The following RRBP1 variants were observed in gnomAD, a reference collection of about 807,000 sequenced individuals.
RRBP1 encodes ribosome binding protein 1.
A neutral mutation model predicts 165.2 loss-of-function variants in RRBP1; 94 were observed. The observed-to-expected ratio is 0.57, with a 90% CI of 0.48 to 0.68. The LOEUF (loss-of-function observed/expected upper bound fraction) is 0.68, where lower values mean the gene tolerates loss of function less well. RRBP1 is among the 30% of genes least tolerant of loss of function. The pLI is 0.00. For synonymous variants in RRBP1, 680 were observed against 714.5 expected (o/e 0.95, Z 0.77); for missense variants, 1,676 against 1,763.0 (o/e 0.95, Z 0.88).
chr20:17,615,623 C>T (rs1474904947), intron 22 of RRBP1, 94 bp from the exon 23 acceptor site: 3 of 985,328 alleles, frequency 3.0e-6, no homozygotes, highest in Admixed American at 3.1e-5. Flanking sequence ...CCAGGGGGCC[C>T]CCCCAGCCTG....
At chr20:17,615,598 G>A (rs895307285) in intron 22 of RRBP1, 69 bp from the exon 23 acceptor site, 27 of 1,330,162 alleles carry the variant, frequency 2.0e-5, no homozygotes, top group Admixed American at 5.4e-5. Flanking sequence ...AGACCCTACC[G>A]AGCACGCCTG....
intron 2 of RRBP1, among the ~76,000 whole-genome samples, chr20:17,673,190 G>T (rs907431035): frequency 6.6e-6 from 1 of 152,176 alleles, no homozygotes; most frequent in Non-Finnish European, 1.5e-5. Context: ...CCTGGAGGAG[G>T]AGCATCTTTA....
At chr20:17,662,361 A>G (rs889909610) in intron 2 of RRBP1, among the ~76,000 whole-genome samples, 4 of 152,054 alleles carry the variant, frequency 2.6e-5, no homozygotes, top group Non-Finnish European at 5.9e-5. Context: ...GGTTTAAAAC[A>G]CTCATGACGA....
chr20:17,621,512 C>G lies in RRBP1; in HGVS notation c.3360G>C (p.Thr1120=). The change falls in exon 16 of 25, where the codon ACG becomes ACC. Residue 1120 remains threonine, a synonymous_variant. Transcript: ENST00000377813. ...LASKLREAEE[T]QSTLQAECDQ... ...CACACTCGGCCTGCAGTGTGCTCTG[C>G]GTCTCCTCGGCCTCCCTCAACTTGG... 6.2e-7 allele frequency: 1 copy of G among 1,612,858 alleles called. No homozygotes were observed. Among genetic ancestry groups the G allele is most frequent in the Non-Finnish European group, 8.5e-7 (1 of 1,179,958 alleles).
At chr20:17,640,599 G>A (rs138608309) in intron 5 of RRBP1, among the ~76,000 whole-genome samples, 17 of 152,266 alleles carry the variant, frequency 1.1e-4, no homozygotes, top group Non-Finnish European at 2.1e-4. Context: ...GCCACGCACC[G>A]TTAACCTTCT....
chr20:17,670,759 A>T (rs942139830), intron 2 of RRBP1, among the ~76,000 whole-genome samples: 8 of 152,222 alleles, frequency 5.3e-5, no homozygotes, highest in African/African-American at 1.7e-4. Flanking sequence ...GTCTTAAAAC[A>T]ATCTTTTCAC....
At chr20:17,637,489 C>A (rs947553883) in intron 5 of RRBP1, among the ~76,000 whole-genome samples, 1 of 152,156 alleles carries the variant, frequency 6.6e-6, no homozygotes, top group South Asian at 2.1e-4. Flanking sequence ...CCTGGACAGA[C>A]CAGCACTGAT....
At chr20:17,634,681 G>A (rs1009627475) in intron 7 of RRBP1, among the ~76,000 whole-genome samples, 1 of 152,244 alleles carries the variant, frequency 6.6e-6, no homozygotes, top group Non-Finnish European at 1.5e-5. Context: ...CAGATCCTAT[G>A]TGGGGAGACG....
chr20:17,618,100 G>A lies in RRBP1; in HGVS notation c.3759+496C>T, dbSNP rs568632609. Among the ~76,000 whole-genome samples the A allele has an allele frequency of 3.0e-4, 45 of 152,366 alleles. No individual in the cohort carries two copies. The South Asian group carries it at 4.1e-3, about 14-fold the overall frequency. ...CAGCTGGTATGGGGCCGGGCGTGGA[G>A]CAGGTCTTCCCTGCATGCCTGTGGC... On this transcript the variant is annotated intron_variant, in intron 20 of 24. Coordinates refer to ENST00000377813, the MANE Select transcript of RRBP1 (RefSeq NM_001365613.2).
In RRBP1 at chr20:17,643,595, CCA is replaced by C. The variant is rs1406957566; in HGVS notation, c.1913-470_1913-469del. 6.6e-6 allele frequency among the ~76,000 whole-genome samples: 1 copy of C among 152,122 alleles called. No homozygotes were observed. Among genetic ancestry groups the C allele is most frequent in the Non-Finnish European group, 1.5e-5 (1 of 68,020 alleles). On this transcript the variant is annotated intron_variant, in intron 3 of 24. Transcript: ENST00000377813. The surrounding 1 kb of genome is among the most constrained non-coding windows in gnomAD (Gnocchi z 4.3). ...GACTGGGCAGCGAATTTACCGTCCA[CCA>C]CACACAGACACCCAGAGCCACACTC... is the stretch of plus-strand genomic sequence containing the variant.
chr20:17,615,367 CAA>C, intron 23 of RRBP1, 62 bp downstream of exon 23: 2 of 1,360,658 alleles, frequency 1.5e-6, no homozygotes, highest in Non-Finnish European at 1.0e-6. Flanking sequence ...TTTCCGAGGC[CAA>C]GAGTGGCGCC....
intron 16 of RRBP1, among the ~76,000 whole-genome samples, chr20:17,621,068 C>T (rs568256942): frequency 6.6e-5 from 10 of 152,272 alleles, no homozygotes; most frequent in East Asian, 1.9e-4. Flanking sequence ...TTGTTACTGC[C>T]GGGGTTTGCC....
chr20:17,616,612 G>C (rs1600722613), intron 21 of RRBP1, 120 bp downstream of exon 21: 1 of 661,758 alleles, frequency 1.5e-6, no homozygotes, highest in South Asian at 1.9e-5. Flanking sequence ...AAAGCAGGGT[G>C]GGGTGGGGAA....
At chr20:17,628,431 C>T (rs1600735184) in intron 9 of RRBP1, among the ~76,000 whole-genome samples, 1 of 152,212 alleles carries the variant, frequency 6.6e-6, no homozygotes, top group East Asian at 1.9e-4. Context: ...CTGGGCCCTG[C>T]CCTGTTGCCT....
rs551207216 is a variant in RRBP1, at chr20:17,672,271, G to A, written c.-22+7728C>T. ...AATTCAATCTCAAGATATGAGCTTC[G>A]TTGAATTCCCTTCCATTAACTCCTT... On this transcript the variant is annotated intron_variant, in intron 2 of 24. Transcript: ENST00000377813. 4.6e-5 allele frequency among the ~76,000 whole-genome samples: 7 copies of A among 152,270 alleles called. No homozygotes were observed. In the East Asian group the frequency reaches 1.2e-3, roughly 25 times the overall value.
In RRBP1 at chr20:17,621,637, T is replaced by C. The variant is rs2035915449; in HGVS notation, c.3324+53A>G. 4 of 1,595,258 alleles carry C rather than the reference T, an allele frequency of 2.5e-6. 1 individual carries two copies. The East Asian group carries it at 8.9e-5, about 36-fold the overall frequency. On this transcript the variant is annotated intron_variant, in intron 15 of 24. Coordinates refer to ENST00000377813, the MANE Select transcript of RRBP1 (RefSeq NM_001365613.2). Reference sequence around the variant, plus strand: ...TGAAATGACTTGGGGCAGCCCCTCTTCCTGGGGACAGGGGAGCCCAACAGA... The same window carrying C: ...TGAAATGACTTGGGGCAGCCCCTCTCCCTGGGGACAGGGGAGCCCAACAGA...
chr20:17,641,665 T>C, intron 5 of RRBP1, 132 bp downstream of exon 5: 1 of 1,133,690 alleles, frequency 8.8e-7, no homozygotes, highest in East Asian at 2.4e-5. Flanking sequence ...CAGTCCCTAC[T>C]CAGCAGCCTG....
chr20:17,643,828 G>A lies in RRBP1; in HGVS notation c.1913-701C>T, dbSNP rs577484406. Among the ~76,000 whole-genome samples, 26 of 152,194 alleles carry A rather than the reference G, an allele frequency of 1.7e-4. No individual in the cohort carries two copies. The South Asian group carries it at 2.5e-3, about 15-fold the overall frequency. On this transcript the variant is annotated intron_variant, in intron 3 of 24. Transcript: ENST00000377813. The surrounding 1 kb of genome is among the most constrained non-coding windows in gnomAD (Gnocchi z 4.3). ...GACAGGGAGCCATCTGCCAACAAAC[G>A]TCACTTCTGAAAAACTAAAACTGCC...
At chr20:17,638,918 G>A (rs2036296518) in intron 5 of RRBP1, among the ~76,000 whole-genome samples, 1 of 152,076 alleles carries the variant, frequency 6.6e-6, no homozygotes, top group Non-Finnish European at 1.5e-5. Flanking sequence ...CACCAAGAAG[G>A]CCTGGTAACA....
Sources: gnomAD v4.1 joint callset for allele counts (sites outside exome capture counted in the v4.1 genomes callset) on GRCh38, gnomAD v4.1.1 for gene constraint, Gnocchi (gnomAD v3.1) non-coding constraint, MANE v1.5 for transcripts, NCBI Gene and HGNC (gene_info 2026-07-23, HGNC 2026-07-21) for gene names.